The following MTMR3 variants were observed in gnomAD, a reference collection of about 807,000 sequenced individuals.
The protein encoded by MTMR3 is myotubularin related protein 3, also known as phosphatidylinositol-3,5-bisphosphate 3-phosphatase MTMR3.
Under a neutral mutation model 132.4 loss-of-function variants are expected in MTMR3, and 32 were observed. That is an observed-to-expected ratio of 0.24 (90% CI 0.18 to 0.32). The LOEUF (loss-of-function observed/expected upper bound fraction) is 0.32. MTMR3 is among the 10% of genes least tolerant of loss of function. MTMR3 has a pLI of 1.00. For synonymous variants in MTMR3, 556 were observed against 550.3 expected (o/e 1.01, Z -0.14); for missense variants, 1,216 against 1,489.6 (o/e 0.82, Z 3.02).
rs563490189 is a variant in MTMR3, at chr22:30,020,813, C to T, written c.3154C>T (p.Leu1052=). 24 of 1,612,598 alleles carry T rather than the reference C, an allele frequency of 1.5e-5. No individual in the cohort carries two copies. The South Asian group carries it at 2.5e-4, about 17-fold the overall frequency. ...VETLKKQVQE[L]KSRLESQYLT... is the part of the protein sequence containing the mutation. ...AACTTTGAAGAAACAAGTCCAGGAGCTGAAGAGTCGCCTGGAGAGCCAGTA... is the reference window on the plus strand; with the variant it reads ...AACTTTGAAGAAACAAGTCCAGGAGTTGAAGAGTCGCCTGGAGAGCCAGTA... Residue 1052 remains leucine, a synonymous_variant, in exon 17 of 20, where the codon CTG becomes TTG. Transcript: ENST00000401950.
intron 16 of MTMR3, chr22:30,019,111 G>GC (rs2067677986): frequency 5.5e-6 from 1 of 181,426 alleles, no homozygotes. Context: ...GGAGGCTGAG[G>GC]CAGGATCGCT....
intron 1 of MTMR3, among the ~76,000 whole-genome samples, chr22:29,928,281 C>G (rs1323920818): frequency 1.3e-5 from 2 of 151,432 alleles, no homozygotes; most frequent in East Asian, 1.9e-4. Context: ...TAGTGATTCT[C>G]CTGCTTCAGC....
Position 30,007,287 on chromosome 22 carries a change from C to T in MTMR3, c.845C>T (p.Pro282Leu). The T allele has an allele frequency of 6.2e-7, 1 of 1,614,168 alleles. No homozygotes were observed. Among genetic ancestry groups the T allele is most frequent in the Non-Finnish European group, 8.5e-7 (1 of 1,180,032 alleles). ...ACTAGGAACACTTCTCGAGACTTTC[C>T]CAATGGGGGAGACCTTTCTGACGTG... ...LSTRNTSRDF[P>L]NGGDLSDVEF... Residue 282 changes from proline (P) to leucine (L), a missense_variant, in exon 10 of 20, where the codon CCC becomes CTC. Pro to Leu is a moderately conservative substitution (Grantham distance 98). Coordinates refer to ENST00000401950, the MANE Select transcript of MTMR3 (RefSeq NM_021090.4).
chr22:29,970,972 C>G lies in MTMR3; in HGVS notation c.-84-4C>G. 1 of 1,141,478 alleles carries G rather than the reference C, an allele frequency of 8.8e-7. No individual in the cohort carries two copies. The highest frequency in any genetic ancestry group is 1.2e-6 in the Non-Finnish European group (1 of 830,792). 70.7% of individuals were successfully genotyped at this position (1,141,478 alleles called of 1,614,324 possible). ...TTCTTCCCCCTCTTCCCCCCCACCCCCAGACTTCACCATAAGGGAAAGAAG... is the reference window on the plus strand; with the variant it reads ...TTCTTCCCCCTCTTCCCCCCCACCCGCAGACTTCACCATAAGGGAAAGAAG... On this transcript the variant is annotated splice_region_variant and splice_polypyrimidine_tract_variant and intron_variant, in intron 2 of 19. Coordinates refer to ENST00000401950, the MANE Select transcript of MTMR3 (RefSeq NM_021090.4).
At chr22:30,007,834 G>A in intron 10 of MTMR3, 67 bp from the exon 11 acceptor site, 1 of 1,565,424 alleles carries the variant, frequency 6.4e-7, no homozygotes, top group South Asian at 1.2e-5. Flanking sequence ...GTGCTTGTGG[G>A]TCTAATTCTG....
At chr22:30,020,914 T>C in intron 17 of MTMR3, 30 bp downstream of exon 17, 1 of 1,537,706 alleles carries the variant, frequency 6.5e-7, no homozygotes, top group Non-Finnish European at 8.8e-7. Context: ...CCTCCATAGC[T>C]GCCCAAGGAG....
intron 1 of MTMR3, among the ~76,000 whole-genome samples, chr22:29,952,432 T>C (rs2066102081): frequency 6.6e-6 from 1 of 151,588 alleles, no homozygotes; most frequent in South Asian, 2.1e-4. Flanking sequence ...AAAATCATGT[T>C]AGTTGGAGGT....
At chr22:29,937,034 A>ACC (rs1346605753) in intron 1 of MTMR3, among the ~76,000 whole-genome samples, 1 of 151,286 alleles carries the variant, frequency 6.6e-6, no homozygotes, top group African/African-American at 2.4e-5. Context: ...TTTGTCAAGC[A>ACC]CCCCCCTTCT....
At position 29,917,957 on chromosome 22, in the gene MTMR3, A is replaced by T. The variant is rs534299810; in HGVS notation, c.-138+34598A>T. Among the ~76,000 whole-genome samples, 9 of 152,370 alleles carry T rather than the reference A, an allele frequency of 5.9e-5. No homozygotes were observed. The East Asian group carries it at 1.7e-3, about 29-fold the overall frequency. On this transcript the variant is annotated intron_variant, in intron 1 of 19. Transcript: ENST00000401950. The stretch of plus-strand genomic sequence containing the variant: ...ATGGGATTTGAATAGCTGTCAAGGG[A>T]TTACTTGATACAGAGAAGTTGCTAA...
At chr22:29,919,259 A>G (rs956392217) in intron 1 of MTMR3, among the ~76,000 whole-genome samples, 1 of 152,124 alleles carries the variant, frequency 6.6e-6, no homozygotes, top group South Asian at 2.1e-4. Flanking sequence ...ATTCTTTAGC[A>G]AGGCATATTT....
intron 3 of MTMR3, among the ~76,000 whole-genome samples, chr22:29,975,255 A>G (rs1448152680): frequency 6.6e-6 from 1 of 152,242 alleles, no homozygotes; most frequent in Non-Finnish European, 1.5e-5. Context: ...AATAAAACTG[A>G]GAAATCTTTA....
At position 30,030,647 on chromosome 22, in the gene MTMR3, G is replaced by GGGGGGGGGGGGGGGGGGGGGGT. The variant is rs749927557; in HGVS notation, c.*4847_*4848insGGGGGGGGGGGGGGGGGGGGTG. On this transcript the variant is annotated 3_prime_UTR_variant, in exon 20 of 20. Transcript: ENST00000401950. ...CTCAGCGAGGAGGGGGCGGGGGGGG[G>GGGGGGGGGGGGGGGGGGGGGGT]GTCACTATTTATCTTCCAGAGGCAG... The GGGGGGGGGGGGGGGGGGGGGGT allele has an allele frequency of 1.3e-5, 1 of 76,358 alleles. No homozygotes were observed. Among genetic ancestry groups the GGGGGGGGGGGGGGGGGGGGGGT allele is most frequent in the African/African-American group, 4.9e-5 (1 of 20,266 alleles). 4.7% of individuals were successfully genotyped at this position (76,358 alleles called of 1,614,324 possible). A position where few individuals can be genotyped will look rare whatever the true frequency, so the allele number is the denominator to read the frequency against.
chr22:30,010,128 C>T (rs2067376108), intron 12 of MTMR3: 1 of 152,176 alleles, frequency 6.6e-6, no homozygotes, highest in Non-Finnish European at 1.5e-5. Flanking sequence ...TACACAGTTC[C>T]AGGTCCCAGC....
intron 11 of MTMR3, 127 bp downstream of exon 11, chr22:30,008,159 T>A: frequency 8.2e-7 from 1 of 1,225,446 alleles, no homozygotes; most frequent in Non-Finnish European, 1.1e-6. Flanking sequence ...GTCGTGAGAG[T>A]GCCAGAGCTT....
chr22:29,913,304 A>G (rs1284993012), intron 1 of MTMR3, among the ~76,000 whole-genome samples: 12 of 152,200 alleles, frequency 7.9e-5, no homozygotes, highest in Admixed American at 6.5e-4. Flanking sequence ...TCATTCCTAA[A>G]GCGTACATTC....
chr22:29,902,716 A>G (rs752441989), intron 1 of MTMR3, among the ~76,000 whole-genome samples: 117 of 152,256 alleles, frequency 7.7e-4, no homozygotes, highest in Non-Finnish European at 2.1e-4. Context: ...TTTTAGCACT[A>G]CAGAATTCCT....
chr22:29,964,629 A>G (rs2066378081), intron 2 of MTMR3, among the ~76,000 whole-genome samples: 1 of 152,158 alleles, frequency 6.6e-6, no homozygotes, highest in Admixed American at 6.5e-5. Context: ...TGAGTTACAC[A>G]CCAGGATATC....
intron 1 of MTMR3, among the ~76,000 whole-genome samples, chr22:29,919,673 C>T (rs894961222): frequency 6.6e-6 from 1 of 151,852 alleles, no homozygotes; most frequent in Non-Finnish European, 1.5e-5. Context: ...CAGGCATGTG[C>T]CACCATGCCT....
intron 1 of MTMR3, among the ~76,000 whole-genome samples, chr22:29,947,218 T>C (rs1219721760): frequency 6.6e-6 from 1 of 152,142 alleles, no homozygotes; most frequent in African/African-American, 2.4e-5. Flanking sequence ...CTTTGACAAA[T>C]GATTTTTATG....
Sources: gnomAD v4.1 joint callset for allele counts (sites outside exome capture counted in the v4.1 genomes callset) on GRCh38, gnomAD v4.1.1 for gene constraint, MANE v1.5 for transcripts, NCBI Gene and HGNC (gene_info 2026-07-23, HGNC 2026-07-21) for gene names.